The following LUZP2 variants were observed in gnomAD, a reference collection of about 807,000 sequenced individuals.
LUZP2 encodes leucine zipper protein 2.
LUZP2 carries 52 observed loss-of-function variants against 51.6 expected under a neutral mutation model. That is an observed-to-expected ratio of 1.01 (90% CI 0.81 to 1.27). The LOEUF (loss-of-function observed/expected upper bound fraction) is 1.27. LUZP2 is among the 50% of genes most tolerant of loss of function. LUZP2 has a pLI of 0.00. For synonymous variants in LUZP2, 154 were observed against 137.3 expected (o/e 1.12, Z -0.85); for missense variants, 436 against 395.4 (o/e 1.10, Z -0.87).
At chr11:24,921,019 T>C (rs1429624292) in intron 7 of LUZP2, among the ~76,000 whole-genome samples, 1 of 152,032 alleles carries the variant, frequency 6.6e-6, no homozygotes, top group Non-Finnish European at 1.5e-5. Context: ...AAAAATACAA[T>C]ATTTACATAG....
At chr11:24,623,674 C>G (rs1854580642) in intron 1 of LUZP2, among the ~76,000 whole-genome samples, 1 of 151,996 alleles carries the variant, frequency 6.6e-6, no homozygotes, top group South Asian at 2.1e-4. Context: ...GGTGAAACCC[C>G]CTCTCTACTA....
At chr11:24,875,318 G>T (rs2134277392) in intron 5 of LUZP2, among the ~76,000 whole-genome samples, 2 of 148,900 alleles carry the variant, frequency 1.3e-5, no homozygotes, top group Admixed American at 1.3e-4. Context: ...TGTTCTCATT[G>T]TTCAATTCCC....
At chr11:24,878,111 T>TG (rs200580957) in intron 5 of LUZP2, among the ~76,000 whole-genome samples, 1 of 150,980 alleles carries the variant, frequency 6.6e-6, no homozygotes, top group Non-Finnish European at 1.5e-5. Context: ...TTTTTTTTTT[T>TG]TTTTTTGGTG....
chr11:25,025,116 C>A (rs763444096), intron 9 of LUZP2, among the ~76,000 whole-genome samples: 1 of 152,060 alleles, frequency 6.6e-6, no homozygotes, highest in African/African-American at 2.4e-5. Context: ...AAATTGGATC[C>A]CTTCCTTATA....
At chr11:24,833,392 T>C (rs1850755584) in intron 5 of LUZP2, among the ~76,000 whole-genome samples, 1 of 146,348 alleles carries the variant, frequency 6.8e-6, no homozygotes, top group African/African-American at 2.6e-5. Flanking sequence ...AATTGGTTTC[T>C]CATGAGTGTT....
At chr11:24,891,760 T>C in intron 5 of LUZP2, 1 of 928,678 alleles carries the variant, frequency 1.1e-6, no homozygotes, top group African/African-American at 1.8e-5. Context: ...CCAGATAACT[T>C]TTTGGAGTCT....
chr11:24,798,925 G>T (rs1849618616), intron 5 of LUZP2, among the ~76,000 whole-genome samples: 2 of 152,066 alleles, frequency 1.3e-5, no homozygotes, highest in South Asian at 4.1e-4. Context: ...ATTTTGGCTG[G>T]GTGAGCTTCC....
Position 24,626,459 on chromosome 11 carries a change from A to C in LUZP2, c.63-102710A>C, listed in dbSNP as rs1295440717. Among the ~76,000 whole-genome samples, 10 of 152,318 alleles carry C rather than the reference A, an allele frequency of 6.6e-5. No individual in the cohort carries two copies. The South Asian group carries it at 2.1e-3, about 32-fold the overall frequency. On this transcript the variant is annotated intron_variant, in intron 1 of 11. Coordinates refer to ENST00000336930, the MANE Select transcript of LUZP2 (RefSeq NM_001009909.4). ...CAAGTATAATTTCACAGTGAATCAC[A>C]ATTACATTTTCCTCCTCTAGATATT...
chr11:25,059,767 A>G (rs1360941548), intron 10 of LUZP2, among the ~76,000 whole-genome samples: 1 of 152,198 alleles, frequency 6.6e-6, no homozygotes, highest in African/African-American at 2.4e-5. Flanking sequence ...ACTGAGGGGA[A>G]AAACTCCAGC....
chr11:24,948,360 T>C (rs1854957724), intron 7 of LUZP2, among the ~76,000 whole-genome samples: 1 of 146,760 alleles, frequency 6.8e-6, no homozygotes, highest in South Asian at 2.2e-4. Context: ...TTATTTTCTT[T>C]AGTATTTTGA....
chr11:24,572,706 T>G (rs2133803586), intron 1 of LUZP2, among the ~76,000 whole-genome samples: 1 of 152,156 alleles, frequency 6.6e-6, no homozygotes, highest in East Asian at 1.9e-4. Context: ...GATTTTGGAT[T>G]ATAATATCCT....
chr11:25,072,726 A>T (rs1218359131), intron 10 of LUZP2, among the ~76,000 whole-genome samples: 1 of 152,058 alleles, frequency 6.6e-6, no homozygotes, highest in Non-Finnish European at 1.5e-5. Flanking sequence ...GTTGTTTCCA[A>T]GGGAGCTTCC....
chr11:24,553,289 A>T (rs1306992557), intron 1 of LUZP2, among the ~76,000 whole-genome samples: 1 of 152,016 alleles, frequency 6.6e-6, no homozygotes, highest in Non-Finnish European at 1.5e-5. Context: ...TATGAAGACA[A>T]ATAACACCGA....
intron 7 of LUZP2, among the ~76,000 whole-genome samples, chr11:24,940,993 TA>T (rs956120618): frequency 6.6e-6 from 1 of 152,154 alleles, no homozygotes; most frequent in African/African-American, 2.4e-5. Context: ...AATAGAAAAA[TA>T]AAGTATTTTT....
At chr11:24,616,862 G>A (rs11028067) in intron 1 of LUZP2, among the ~76,000 whole-genome samples, 33,856 of 151,974 alleles carry the variant, frequency 0.22, 4,686 homozygotes, top group African/African-American at 0.39. Flanking sequence ...TGTTAAATCT[G>A]TATATCAAGT....
In LUZP2 at chr11:24,923,017, T is replaced by G. The variant is rs540595384; in HGVS notation, c.522+8479T>G. Among the ~76,000 whole-genome samples the G allele has an allele frequency of 2.0e-4, 30 of 151,518 alleles. No homozygotes were observed. The South Asian group carries it at 6.1e-3, about 31-fold the overall frequency. On this transcript the variant is annotated intron_variant, in intron 7 of 11. Transcript: ENST00000336930. Reference sequence around the variant, plus strand: ...GCACCCGCCACCACGCCTAGCTAATTTTTTGTATTTTTGGTAGAGACAGGG... The same window carrying G: ...GCACCCGCCACCACGCCTAGCTAATGTTTTGTATTTTTGGTAGAGACAGGG...
intron 9 of LUZP2, among the ~76,000 whole-genome samples, chr11:25,004,994 C>G (rs951110560): frequency 4.6e-5 from 7 of 152,318 alleles, no homozygotes; most frequent in African/African-American, 1.4e-4. Flanking sequence ...CGAAGGTTTG[C>G]TCTAGACTCT....
intron 1 of LUZP2, among the ~76,000 whole-genome samples, chr11:24,650,332 T>C (rs963530597): frequency 1.3e-5 from 2 of 151,934 alleles, no homozygotes; most frequent in Admixed American, 6.6e-5. Flanking sequence ...AAAATTCTAA[T>C]GATTTTCTAA....
intron 1 of LUZP2, among the ~76,000 whole-genome samples, chr11:24,500,439 A>C (rs1281759307): frequency 6.6e-6 from 1 of 152,224 alleles, no homozygotes; most frequent in South Asian, 2.1e-4. Context: ...GAGTAGAATG[A>C]CTATACTTTT....
Sources: gnomAD v4.1 joint callset for allele counts (sites outside exome capture counted in the v4.1 genomes callset) on GRCh38, gnomAD v4.1.1 for gene constraint, MANE v1.5 for transcripts, NCBI Gene and HGNC (gene_info 2026-07-23, HGNC 2026-07-21) for gene names.